The following TTI1 variants were observed in gnomAD, a reference collection of about 807,000 sequenced individuals.
The protein encoded by TTI1 is TELO2-interacting protein 1 homolog.
TTI1 carries 52 observed loss-of-function variants against 85.4 expected under a neutral mutation model. The observed-to-expected ratio is 0.61, with a 90% confidence interval of 0.49 to 0.77. TTI1 has a LOEUF of 0.77. Ranked by LOEUF, TTI1 falls within the 30% of genes least tolerant of loss-of-function variation. The pLI is 0.00. For missense variants in TTI1, 1,173 were observed against 1,296.0 expected (o/e 0.91, Z 1.46); for synonymous variants, 512 against 503.9 (o/e 1.02, Z -0.22).
At position 38,010,719 on chromosome 20, in the gene TTI1, G is replaced by A. The variant is rs192131362; in HGVS notation, c.2302+796C>T. Among the ~76,000 whole-genome samples, 71 of 151,808 alleles carry A rather than the reference G, an allele frequency of 4.7e-4. 2 individuals carry two copies. The highest frequency in any genetic ancestry group is 1.5e-3 in the African/African-American group (64 of 41,430). ...TCTCGATCTCCTGACCTCTTGATCC[G>A]CCTGCCTTGGCCTCCCAAAGTGCTG... On this transcript the variant is annotated intron_variant, in intron 2 of 7. Coordinates refer to ENST00000373447, the MANE Select transcript of TTI1 (RefSeq NM_001303457.2).
intron 7 of TTI1, among the ~76,000 whole-genome samples, chr20:37,985,595 T>C (rs1045176792): frequency 1.3e-5 from 2 of 151,650 alleles, no homozygotes; most frequent in African/African-American, 4.8e-5. Flanking sequence ...TGGCGCGATC[T>C]CAGCTCACTG....
rs755456490 is a variant in TTI1 at position 37,999,317 on chromosome 20, C to T, written c.2664G>A (p.Val888=). 1 of 1,440,236 alleles carries T rather than the reference C, an allele frequency of 6.9e-7. No individual in the cohort carries two copies. The highest frequency in any genetic ancestry group is 9.2e-7 in the Non-Finnish European group (1 of 1,088,508). 89.2% of individuals were successfully genotyped at this position (1,440,236 alleles called of 1,614,324 possible). A position where few individuals can be genotyped will look rare whatever the true frequency, so the allele number is the denominator to read the frequency against. Residue 888 remains valine (V), a synonymous_variant, in exon 5 of 8, where the codon GTG becomes GTA. Coordinates refer to ENST00000373447, the MANE Select transcript of TTI1 (RefSeq NM_001303457.2). ...GAAGAACAACCACACACAGATCCAGCACATCCAAGACCTGAAAGAGACACG... is the reference window on the plus strand; with the variant it reads ...GAAGAACAACCACACACAGATCCAGTACATCCAAGACCTGAAAGAGACACG... The part of the protein sequence containing the change: ...NLQIRLKVLD[V]LDLCVVVLQS...
intron 1 of TTI1, among the ~76,000 whole-genome samples, chr20:38,024,603 C>T (rs922792602): frequency 1.4e-4 from 22 of 152,140 alleles, no homozygotes; most frequent in South Asian, 4.1e-4. Context: ...GGAATGGGCA[C>T]CCTCGCAAGA....
intron 1 of TTI1, among the ~76,000 whole-genome samples, chr20:38,020,718 T>C (rs987932820): frequency 3.9e-5 from 6 of 152,050 alleles, no homozygotes; most frequent in South Asian, 2.1e-4. Context: ...CAAAAAAGGA[T>C]AGCCAAATAG....
chr20:38,031,158 C>T (rs2122663558), intron 1 of TTI1, among the ~76,000 whole-genome samples: 1 of 152,340 alleles, frequency 6.6e-6, no homozygotes, highest in East Asian at 1.9e-4. Context: ...CCTGCTTCTA[C>T]CTTTGCACTC....
intron 3 of TTI1, chr20:38,005,801 T>TAAAAAAAAA (rs1225255227): frequency 1.5e-5 from 2 of 132,224 alleles, no homozygotes; most frequent in African/African-American, 7.1e-5. Flanking sequence ...AATAAAAAAA[T>TAAAAAAAAA]AAAAAAAATA....
At position 38,011,744 on chromosome 20, in the gene TTI1, G is replaced by A; in HGVS notation, c.2073C>T (p.Ile691=). ...ACGYDSLQHL[I]NQNSDYLVNG... The stretch of plus-strand genomic sequence containing the variant: ...TCACTAAATAGTCTGAATTTTGATT[G>A]ATCAGGTGCTGCAGGGAGTCGTAGC... Residue 691 remains isoleucine (I), a synonymous_variant, in exon 2 of 8, where the codon ATC becomes ATT. Coordinates refer to ENST00000373447, the MANE Select transcript of TTI1 (RefSeq NM_001303457.2). 2 of 1,614,192 alleles carry A rather than the reference G, an allele frequency of 1.2e-6. No homozygotes were observed. Among genetic ancestry groups the A allele is most frequent in the African/African-American group, 1.3e-5 (1 of 75,062 alleles).
intron 2 of TTI1, among the ~76,000 whole-genome samples, chr20:38,010,637 ATT>A (rs11476947): frequency 6.1e-5 from 9 of 147,574 alleles, no homozygotes; most frequent in Admixed American, 1.4e-4. Flanking sequence ...CGTCTGGCTA[ATT>A]TTTTTTTTTT....
intron 2 of TTI1, among the ~76,000 whole-genome samples, chr20:38,008,257 C>T (rs1307415836): frequency 1.3e-5 from 2 of 152,104 alleles, no homozygotes; most frequent in Non-Finnish European, 2.9e-5. Flanking sequence ...ACCCTTTAAA[C>T]CAGCATTTTT....
At position 37,995,279 on chromosome 20, in the gene TTI1, G is replaced by A. The variant is rs530561278; in HGVS notation, c.3086+1096C>T. 9.8e-5 allele frequency among the ~76,000 whole-genome samples: 15 copies of A among 152,344 alleles called. No individual in the cohort carries two copies. The South Asian group carries it at 3.1e-3, about 32-fold the overall frequency. ...AATGGGAAATCAAGAGCAAAAAACA[G>A]CAAAGGACAATAAATCAATTCAAGA... On this transcript the variant is annotated intron_variant, in intron 7 of 7. Transcript: ENST00000373447.
In TTI1 at chr20:38,013,208, C is replaced by T. The variant is rs1369585374; in HGVS notation, c.609G>A (p.Gly203=). ...SLDELEQKQL[G]DLFASFLPGI... Reference sequence around the variant, plus strand: ...CAGGTAAAAAAGAGGCAAACAAATCCCCCAGCTGCTTTTGTTCAAGTTCAT... The same window carrying T: ...CAGGTAAAAAAGAGGCAAACAAATCTCCCAGCTGCTTTTGTTCAAGTTCAT... The change falls in exon 2 of 8, where the codon GGG becomes GGA. Residue 203 remains glycine, a synonymous_variant. Transcript: ENST00000373447. The T allele has an allele frequency of 6.2e-7, 1 of 1,614,066 alleles. No individual in the cohort carries two copies. Among genetic ancestry groups the T allele is most frequent in the South Asian group, 1.1e-5 (1 of 91,080 alleles).
At chr20:37,998,742 G>T (rs1305173118) in intron 5 of TTI1, among the ~76,000 whole-genome samples, 9 of 152,134 alleles carry the variant, frequency 5.9e-5, no homozygotes, top group Non-Finnish European at 1.2e-4. Flanking sequence ...CACTCAGCTG[G>T]GCAGAGGATG....
chr20:37,996,495 C>T (rs2073340483), intron 6 of TTI1, 33 bp from the exon 7 acceptor site: 7 of 1,608,614 alleles, frequency 4.4e-6, no homozygotes, highest in Non-Finnish European at 5.1e-6. Context: ...AAGCATCAGC[C>T]CTTACACTTC....
chr20:38,011,864 T>C lies in TTI1; in HGVS notation c.1953A>G (p.Ser651=). The C allele has an allele frequency of 6.2e-7, 1 of 1,614,232 alleles. No homozygotes were observed. The highest frequency in any genetic ancestry group is 2.2e-5 in the East Asian group (1 of 44,890). Residue 651 remains serine (S), a synonymous_variant, in exon 2 of 8, where the codon TCA becomes TCG. Coordinates refer to ENST00000373447, the MANE Select transcript of TTI1 (RefSeq NM_001303457.2). The part of the protein sequence containing the change: ...LGKDFCLLLM[S]ALYPVLEKAG... Reference sequence around the variant, plus strand: ...CCTTCTCCAGTACTGGATAAAGGGCTGACATCAAGAGCAAACAGAAGTCTT... The same window carrying C: ...CCTTCTCCAGTACTGGATAAAGGGCCGACATCAAGAGCAAACAGAAGTCTT...
chr20:37,988,138 G>A (rs6013604), intron 7 of TTI1, among the ~76,000 whole-genome samples: 48 of 152,364 alleles, frequency 3.2e-4, no homozygotes, highest in African/African-American at 1.1e-3. Context: ...GGTAGACTAA[G>A]GGATCACAGA....
At chr20:37,995,488 C>T (rs771740443) in intron 7 of TTI1, among the ~76,000 whole-genome samples, 4 of 152,232 alleles carry the variant, frequency 2.6e-5, no homozygotes, top group South Asian at 2.1e-4. Flanking sequence ...CCGCTGCAGG[C>T]GTGAAGCTGG....
chr20:37,998,897 G>C (rs1294848007), intron 5 of TTI1, among the ~76,000 whole-genome samples: 1 of 151,990 alleles, frequency 6.6e-6, no homozygotes, highest in South Asian at 2.1e-4. Flanking sequence ...TTCTTCCTCT[G>C]CCAAAAGTAA....
In TTI1 at chr20:38,005,933, G is replaced by A. The variant is rs188420135; in HGVS notation, c.2503+264C>T. On this transcript the variant is annotated intron_variant, in intron 3 of 7. Transcript: ENST00000373447. Reference sequence around the variant, plus strand: ...GACACTTAGTAACAGCTATTAAAACGTTAATGATCAAAATTCAACGGCAAT... The same window carrying A: ...GACACTTAGTAACAGCTATTAAAACATTAATGATCAAAATTCAACGGCAAT... 269 of 422,888 alleles carry A rather than the reference G, an allele frequency of 6.4e-4. 2 individuals carry two copies. The highest frequency in any genetic ancestry group is 1.5e-3 in the Middle Eastern group (2 of 1,374). The allele number at this position is 422,888 out of a possible 1,614,324, so 26.2% of individuals were successfully genotyped here. A position where few individuals can be genotyped will look rare whatever the true frequency, so the allele number is the denominator to read the frequency against.
intron 5 of TTI1, among the ~76,000 whole-genome samples, chr20:37,998,005 C>A (rs889372441): frequency 2.6e-5 from 4 of 152,186 alleles, no homozygotes; most frequent in African/African-American, 9.7e-5. Context: ...TCTTGGCTCA[C>A]TGCAACCTCT....
Sources: allele counts gnomAD v4.1 joint callset (sites outside exome capture counted in the v4.1 genomes callset), GRCh38; gene constraint gnomAD v4.1.1; transcripts MANE v1.5; gene names NCBI Gene and HGNC (gene_info 2026-07-23, HGNC 2026-07-21).